WDR17: variants seen among roughly 807,000 people sequenced by gnomAD.
WDR17 encodes the protein WD repeat domain 17.
In WDR17, 143 loss-of-function variants were observed where a neutral mutation model predicts 161.7. The observed-to-expected ratio is 0.88, with a 90% CI of 0.77 to 1.02. The LOEUF is 1.02. Ranked by LOEUF, WDR17 falls within the 50% of genes least tolerant of loss-of-function variation. The pLI is 0.00. For synonymous variants in WDR17, 517 were observed against 515.6 expected, an observed-to-expected ratio of 1.00 and a Z score of -0.04; for missense variants, 1,469 against 1,520.9, an observed-to-expected ratio of 0.97 and a Z score of 0.57.
chr4:176,086,313 T>C (rs1735409284), intron 1 of WDR17, among the ~76,000 whole-genome samples: 1 of 151,994 alleles, frequency 6.6e-6, no homozygotes, highest in Non-Finnish European at 1.5e-5. Context: ...AGTCCTTTTC[T>C]GTATGTTGTT....
intron 5 of WDR17, 116 bp from the exon 6 acceptor site, chr4:176,128,622 A>T (rs1742833599): frequency 2.1e-6 from 2 of 962,498 alleles, no homozygotes; most frequent in Non-Finnish European, 1.6e-6. Context: ...TGTTAAAAGG[A>T]TGTCAGTAAT....
chr4:176,090,927 A>G (rs202242320), intron 1 of WDR17, among the ~76,000 whole-genome samples: 1 of 152,214 alleles, frequency 6.6e-6, no homozygotes, highest in African/African-American at 2.4e-5. Context: ...GCATGTCCTT[A>G]AGGTACAGAT....
chr4:176,172,206 G>A lies in WDR17; in HGVS notation c.3103-169G>A, dbSNP rs894540691. The stretch of plus-strand genomic sequence containing the variant: ...CTCTTACTGTTTTTAGATCTTAAAG[G>A]TATTTCCATAAATATATTCTCTTAA... On this transcript the variant is annotated intron_variant, in intron 23 of 28. Transcript: ENST00000508596. 18 of 602,342 alleles carry A rather than the reference G, an allele frequency of 3.0e-5. No homozygotes were observed. The Middle Eastern group carries it at 1.4e-3, about 46-fold the overall frequency. The allele number at this position is 602,342 out of a possible 1,614,324, so 37.3% of individuals were successfully genotyped here. A position where few individuals can be genotyped will look rare whatever the true frequency, so the allele number is the denominator to read the frequency against.
At chr4:176,175,434 G>C (rs1020667929) in intron 26 of WDR17, among the ~76,000 whole-genome samples, 1 of 152,050 alleles carries the variant, frequency 6.6e-6, no homozygotes, top group African/African-American at 2.4e-5. Context: ...TAAAATTCAC[G>C]GTGCCTTCCA....
chr4:176,157,848 C>A lies in WDR17; in HGVS notation c.2525+1705C>A, dbSNP rs149893373. Among the ~76,000 whole-genome samples the A allele has an allele frequency of 8.5e-5, 13 of 152,114 alleles. No individual in the cohort carries two copies. The East Asian group carries it at 2.5e-3, about 29-fold the overall frequency. ...CTCAGATAAATTGGAACAAAGGAAA[C>A]CTGACCAAGATTGGTGTATATGAAC... On this transcript the variant is annotated intron_variant, in intron 18 of 28. Transcript: ENST00000508596.
intron 22 of WDR17, among the ~76,000 whole-genome samples, chr4:176,167,397 A>C (rs1749932507): frequency 6.6e-6 from 1 of 152,028 alleles, no homozygotes; most frequent in Admixed American, 6.6e-5. Flanking sequence ...CTGTAATCCC[A>C]GCACTTTGGG....
At chr4:176,074,469 T>A (rs1325418542) in intron 1 of WDR17, among the ~76,000 whole-genome samples, 5 of 151,730 alleles carry the variant, frequency 3.3e-5, no homozygotes. Flanking sequence ...TTCCTTTTTT[T>A]AAAAAAGGAC....
Position 176,115,783 on chromosome 4 carries a change from T to C in WDR17, c.124-13T>C. The C allele has an allele frequency of 6.4e-7, 1 of 1,557,796 alleles. No homozygotes were observed. The highest frequency in any genetic ancestry group is 8.7e-7 in the Non-Finnish European group (1 of 1,151,410). The stretch of plus-strand genomic sequence containing the variant: ...GGAGCACTAAAATATTTTATTTATA[T>C]ATTTTGTTTTAGTTGGATCACCGTT... On this transcript the variant is annotated splice_polypyrimidine_tract_variant and intron_variant, in intron 2 of 28. Coordinates refer to ENST00000508596, the MANE Select transcript of WDR17 (RefSeq NM_181265.4).
chr4:176,135,225 T>C lies in WDR17; in HGVS notation c.1216T>C (p.Tyr406His). The change falls in exon 8 of 29, where the codon TAC becomes CAC. Residue 406 changes from tyrosine to histidine, a missense_variant. Transcript: ENST00000508596. ...GGATATAAACACATTAACAGCAGTG[T>C]ACACATCCCCGGGTAATGAAGGTGT... The part of the protein sequence containing the change: ...VWDINTLTAV[Y>H]TSPGNEGVIY... The C allele has an allele frequency of 6.2e-7, 1 of 1,612,356 alleles. No homozygotes were observed. The highest frequency in any genetic ancestry group is 8.5e-7 in the Non-Finnish European group (1 of 1,178,666).
chr4:176,160,206 C>T (rs1748824423), intron 19 of WDR17, 80 bp downstream of exon 19: 2 of 1,521,952 alleles, frequency 1.3e-6, no homozygotes, highest in Non-Finnish European at 1.8e-6. Flanking sequence ...GACTGGCTCA[C>T]CCTTACATAA....
intron 2 of WDR17, among the ~76,000 whole-genome samples, chr4:176,114,286 C>T (rs897154635): frequency 2.0e-5 from 3 of 151,982 alleles, no homozygotes; most frequent in African/African-American, 4.8e-5. Context: ...GCTATTGCTG[C>T]AGTGCTAATC....
chr4:176,144,750 G>A (rs1016249230), intron 11 of WDR17, among the ~76,000 whole-genome samples: 13 of 152,050 alleles, frequency 8.5e-5, no homozygotes, highest in Admixed American at 7.2e-4. Context: ...TAGTGTCTTA[G>A]TAGGTAAGTG....
At chr4:176,132,060 G>A (rs543113823) in intron 7 of WDR17, among the ~76,000 whole-genome samples, 1 of 152,030 alleles carries the variant, frequency 6.6e-6, no homozygotes, top group Non-Finnish European at 1.5e-5. Flanking sequence ...GTTGATCTCT[G>A]CCAGTTGCTC....
chr4:176,172,581 G>C lies in WDR17; in HGVS notation c.3244+65G>C. 1.5e-6 allele frequency: 2 copies of C among 1,367,942 alleles called. 1 individual carries two copies. Among genetic ancestry groups the C allele is most frequent in the South Asian group, 2.8e-5 (2 of 70,522 alleles). The allele number at this position is 1,367,942 out of a possible 1,614,324, so 84.7% of individuals were successfully genotyped here. A position where few individuals can be genotyped will look rare whatever the true frequency, so the allele number is the denominator to read the frequency against. The stretch of plus-strand genomic sequence containing the variant: ...TTTATTTGATCGTTGTTTTCATACT[G>C]ATGATTGTTTTAATTCATTTTTGCA... On this transcript the variant is annotated intron_variant, in intron 24 of 28. Coordinates refer to ENST00000508596, the MANE Select transcript of WDR17 (RefSeq NM_181265.4).
intron 1 of WDR17, among the ~76,000 whole-genome samples, chr4:176,068,887 A>G (rs905046656): frequency 1.3e-5 from 2 of 152,214 alleles, no homozygotes; most frequent in African/African-American, 4.8e-5. Context: ...AACAAAACCT[A>G]GAGAAAAACA....
At chr4:176,118,941 A>G (rs899167031) in intron 3 of WDR17, among the ~76,000 whole-genome samples, 4 of 152,058 alleles carry the variant, frequency 2.6e-5, no homozygotes, top group African/African-American at 9.7e-5. Context: ...AGCCTGGGCA[A>G]CAGAGCAAGA....
chr4:176,128,881 A>C (rs780329732), intron 6 of WDR17, 21 bp downstream of exon 6: 9 of 1,531,342 alleles, frequency 5.9e-6, no homozygotes, highest in Non-Finnish European at 7.9e-6. Flanking sequence ...ATGTTATCAA[A>C]ATTTTAATTT....
chr4:176,181,018 T>A lies in WDR17; in HGVS notation c.*1439T>A, dbSNP rs954936659. 2 of 152,304 alleles carry A rather than the reference T, an allele frequency of 1.3e-5. No individual in the cohort carries two copies. Among genetic ancestry groups the A allele is most frequent in the African/African-American group, 4.8e-5 (2 of 41,578 alleles). The allele number at this position is 152,304 out of a possible 1,614,324, so 9.4% of individuals were successfully genotyped here. On this transcript the variant is annotated 3_prime_UTR_variant, in exon 29 of 29. Transcript: ENST00000508596. ...AAAGAATAATCTCATATAACTAGAA[T>A]ACTTGTGGCTTTTATTATCTTTAAA...
chr4:176,097,730 C>A (rs1267162241), intron 1 of WDR17, among the ~76,000 whole-genome samples: 1 of 129,864 alleles, frequency 7.7e-6, no homozygotes, highest in African/African-American at 2.9e-5. Flanking sequence ...TACACACACA[C>A]ACACACACAC....
Sources: allele counts gnomAD v4.1 joint callset (sites outside exome capture counted in the v4.1 genomes callset), GRCh38; gene constraint gnomAD v4.1.1; transcripts MANE v1.5; gene names NCBI Gene and HGNC (gene_info 2026-07-23, HGNC 2026-07-21).